The following TMEM117 variants were observed in gnomAD, a reference collection of about 807,000 sequenced individuals.
The protein encoded by TMEM117 is transmembrane protein 117.
A neutral mutation model predicts 52.4 loss-of-function variants in TMEM117; 27 were observed. The observed-to-expected ratio is 0.51, with a 90% CI of 0.38 to 0.71. The LOEUF is 0.71. TMEM117 is among the 30% of genes least tolerant of loss of function. The pLI, the probability that TMEM117 is intolerant of heterozygous loss-of-function variation, is 0.00. For missense variants in TMEM117, 556 were observed against 630.5 expected (o/e 0.88, Z 1.26); for synonymous variants, 215 against 206.3 (o/e 1.04, Z -0.36).
At chr12:44,328,515 T>C (rs1951225528) in intron 6 of TMEM117, among the ~76,000 whole-genome samples, 1 of 152,180 alleles carries the variant, frequency 6.6e-6, no homozygotes, top group Admixed American at 6.6e-5. Flanking sequence ...TTCGTTCAGC[T>C]ACTTTTAGAA....
At chr12:44,305,848 C>A (rs143479895) in intron 6 of TMEM117, among the ~76,000 whole-genome samples, 112 of 151,990 alleles carry the variant, frequency 7.4e-4, no homozygotes, top group African/African-American at 2.6e-3. Context: ...CAAAAAGACA[C>A]ATGCACACAT....
chr12:44,119,553 A>G (rs1250676478), intron 3 of TMEM117, among the ~76,000 whole-genome samples: 1 of 152,134 alleles, frequency 6.6e-6, no homozygotes, highest in Non-Finnish European at 1.5e-5. Flanking sequence ...GGATTCTTAC[A>G]GTGCTCATGA....
intron 3 of TMEM117, among the ~76,000 whole-genome samples, chr12:44,046,981 A>G (rs566094339): frequency 1.2e-3 from 184 of 152,300 alleles, no homozygotes; most frequent in African/African-American, 4.3e-3. Context: ...AGAGATGTGT[A>G]TGGATCCAAG....
chr12:44,114,494 A>G (rs1948100552), intron 3 of TMEM117, among the ~76,000 whole-genome samples: 1 of 152,190 alleles, frequency 6.6e-6, no homozygotes, highest in South Asian at 2.1e-4. Flanking sequence ...CTTTTTCTGT[A>G]TAGCTCTGGG....
chr12:44,007,462 A>C (rs1450853390), intron 3 of TMEM117, among the ~76,000 whole-genome samples: 1 of 151,946 alleles, frequency 6.6e-6, no homozygotes, highest in African/African-American at 2.4e-5. Flanking sequence ...AAATAATTTC[A>C]CAAGACACAG....
chr12:44,352,482 TC>T (rs1951578230), intron 6 of TMEM117, among the ~76,000 whole-genome samples: 1 of 152,052 alleles, frequency 6.6e-6, no homozygotes. Context: ...AGTGTGATGT[TC>T]CCCTTCCTGT....
At chr12:44,086,305 C>T (rs1947565195) in intron 3 of TMEM117, among the ~76,000 whole-genome samples, 1 of 151,390 alleles carries the variant, frequency 6.6e-6, no homozygotes, top group African/African-American at 2.4e-5. Flanking sequence ...CCTGCGCCTC[C>T]CAGGTTCCAG....
At chr12:43,912,991 A>G (rs1944541007) in intron 2 of TMEM117, among the ~76,000 whole-genome samples, 1 of 152,190 alleles carries the variant, frequency 6.6e-6, no homozygotes, top group Non-Finnish European at 1.5e-5. Flanking sequence ...TCAAAAAAAT[A>G]TTTTGAGCAT....
the TMEM117 span, among the ~76,000 whole-genome samples, chr12:43,809,621 C>G: frequency 2.0e-5 from 3 of 152,114 alleles, no homozygotes; most frequent in Non-Finnish European, 2.9e-5. Flanking sequence ...ATTTCCAAAC[C>G]TCAAAAGCAA....
At chr12:43,899,411 G>A (rs1191713472) in intron 2 of TMEM117, among the ~76,000 whole-genome samples, 1 of 152,068 alleles carries the variant, frequency 6.6e-6, no homozygotes, top group Non-Finnish European at 1.5e-5. Flanking sequence ...GTGGTTGGGG[G>A]TTTTATTGTA....
intron 2 of TMEM117, among the ~76,000 whole-genome samples, chr12:43,874,627 T>C (rs1359508872): frequency 2.0e-5 from 3 of 152,158 alleles, no homozygotes; most frequent in African/African-American, 7.2e-5. Context: ...TATTAAATCC[T>C]GGGAGATAGC....
At chr12:44,139,757 T>C (rs1243597382) in intron 3 of TMEM117, among the ~76,000 whole-genome samples, 3 of 152,148 alleles carry the variant, frequency 2.0e-5, no homozygotes, top group African/African-American at 4.8e-5. Flanking sequence ...TCTTAGCAAA[T>C]AAAGTTTAAT....
At chr12:44,077,011 G>A (rs899933876) in intron 3 of TMEM117, among the ~76,000 whole-genome samples, 5 of 152,132 alleles carry the variant, frequency 3.3e-5, no homozygotes, top group East Asian at 1.9e-4. Flanking sequence ...CCTTGCCCAA[G>A]TGTTTTTGCT....
intron 5 of TMEM117, among the ~76,000 whole-genome samples, chr12:44,233,785 T>G (rs1400797388): frequency 6.6e-6 from 1 of 151,498 alleles, no homozygotes; most frequent in African/African-American, 2.4e-5. Flanking sequence ...AATTCATTGA[T>G]TTTGACTGCT....
chr12:44,018,125 A>G (rs1036859383), intron 3 of TMEM117, among the ~76,000 whole-genome samples: 1 of 152,156 alleles, frequency 6.6e-6, no homozygotes, highest in African/African-American at 2.4e-5. Flanking sequence ...AGCTGTGCCC[A>G]GACACAACCT....
upstream of TMEM117, chr12:43,836,007 G>T (rs1943019766): frequency 6.6e-6 from 1 of 151,302 alleles, no homozygotes; most frequent in African/African-American, 2.4e-5. Context: ...GCACCGGCGC[G>T]GAGGGCGCCC....
intron 6 of TMEM117, among the ~76,000 whole-genome samples, chr12:44,320,012 A>C (rs1183026034): frequency 1.3e-5 from 2 of 152,070 alleles, no homozygotes; most frequent in African/African-American, 2.4e-5. Context: ...TCTTTCTCAA[A>C]TCTTCCTCAA....
chr12:43,904,998 C>T (rs777011869), intron 2 of TMEM117, among the ~76,000 whole-genome samples: 2 of 152,098 alleles, frequency 1.3e-5, no homozygotes, highest in Non-Finnish European at 2.9e-5. Flanking sequence ...ACAAAATTAG[C>T]TGGGCGTGGT....
At chr12:43,933,743 A>G (rs1049076744) in intron 2 of TMEM117, among the ~76,000 whole-genome samples, 3 of 151,826 alleles carry the variant, frequency 2.0e-5, no homozygotes, top group African/African-American at 7.3e-5. Flanking sequence ...TTGTATTTTT[A>G]GTAGAGACGG....
Sources: allele counts gnomAD v4.1 joint callset (sites outside exome capture counted in the v4.1 genomes callset), GRCh38; gene constraint gnomAD v4.1.1; transcripts MANE v1.5; gene names NCBI Gene and HGNC (gene_info 2026-07-23, HGNC 2026-07-21).